OVOL2: variants seen among roughly 807,000 people sequenced by gnomAD.
OVOL2 encodes the protein ovo like zinc finger 2.
Under a neutral mutation model 18.1 loss-of-function variants are expected in OVOL2, and 13 were observed. The ratio of observed to expected loss-of-function variants is 0.72; its 90% CI spans 0.47 to 1.14. OVOL2 has a LOEUF of 1.14. OVOL2 is among the 50% of genes most tolerant of loss of function. The pLI is 0.00. For missense variants in OVOL2, 335 were observed against 383.0 expected, an observed-to-expected ratio of 0.87 and a Z score of 1.05; for synonymous variants, 166 against 162.7, an observed-to-expected ratio of 1.02 and a Z score of -0.16.
intron 2 of OVOL2, among the ~76,000 whole-genome samples, chr20:18,046,192 T>A (rs898779055): frequency 2.0e-5 from 3 of 152,338 alleles, no homozygotes; most frequent in African/African-American, 7.2e-5. Flanking sequence ...AAGGAAGGGA[T>A]CTTTGTAAAT....
At chr20:18,033,118 A>G (rs1208746983) in intron 3 of OVOL2, among the ~76,000 whole-genome samples, 4 of 152,104 alleles carry the variant, frequency 2.6e-5, no homozygotes, top group Non-Finnish European at 4.4e-5. Context: ...CCCAATCTGC[A>G]TTTTTCCCAA....
At position 18,024,332 on chromosome 20, in the gene OVOL2, C is replaced by T. The variant is rs549961515; in HGVS notation, c.*304G>A. ...TCTCTCTAAGAAATACCTCTCCTTCCGTGTGTGAAAATCCTTGGGGGAAAA... is the reference window on the plus strand; with the variant it reads ...TCTCTCTAAGAAATACCTCTCCTTCTGTGTGTGAAAATCCTTGGGGGAAAA... On this transcript the variant is annotated 3_prime_UTR_variant, in exon 4 of 4. Coordinates refer to ENST00000278780, the MANE Select transcript of OVOL2 (RefSeq NM_021220.4). 8.9e-5 allele frequency: 28 copies of T among 316,062 alleles called. No homozygotes were observed. Among genetic ancestry groups the T allele is most frequent in the Non-Finnish European group, 1.0e-4 (18 of 173,220 alleles). The allele number at this position is 316,062 out of a possible 1,614,324, so 19.6% of individuals were successfully genotyped here.
intron 3 of OVOL2, among the ~76,000 whole-genome samples, chr20:18,025,615 A>T (rs942022526): frequency 1.3e-5 from 2 of 152,200 alleles, no homozygotes; most frequent in Non-Finnish European, 2.9e-5. Context: ...TGGGACAAAG[A>T]TTCCAGTACA....
intron 3 of OVOL2, among the ~76,000 whole-genome samples, chr20:18,025,908 TCCAGCAGGGAACC>T (rs1277550475): frequency 1.3e-5 from 2 of 152,244 alleles, no homozygotes; most frequent in Non-Finnish European, 2.9e-5. Flanking sequence ...CAGACTGGGC[TCCAGCAGGGAACC>T]CCTCAGGCAG....
At chr20:18,058,279 C>A (rs2122734765), upstream of OVOL2, among the ~76,000 whole-genome samples, 1 of 151,990 alleles carries the variant, frequency 6.6e-6, no homozygotes, top group Admixed American at 6.5e-5. Flanking sequence ...CCTTGTGGAG[C>A]CTTCCTGGGG....
intron 3 of OVOL2, among the ~76,000 whole-genome samples, chr20:18,039,393 G>A (rs868542006): frequency 3.3e-5 from 5 of 152,030 alleles, no homozygotes; most frequent in Non-Finnish European, 5.9e-5. Context: ...AGGCCAAGGC[G>A]GGTGGATGGC....
chr20:18,056,551 G>A lies in OVOL2; in HGVS notation c.321+106C>T, dbSNP rs1054897362. On this transcript the variant is annotated intron_variant, in intron 2 of 3. Transcript: ENST00000278780. This position sits in a 1 kb window ranked among gnomAD's most constrained non-coding sequence, Gnocchi z 4.2. ...GGCGCGGCGGGCGCGCTCGGGGCGC[G>A]GGTGCCGGGTTGCGCAGGCGGGCGC... is the stretch of plus-strand genomic sequence containing the variant. The A allele has an allele frequency of 1.7e-6, 2 of 1,152,326 alleles. No homozygotes were observed. The highest frequency in any genetic ancestry group is 8.5e-5 in the South Asian group (2 of 23,492). 71.4% of individuals were successfully genotyped at this position (1,152,326 alleles called of 1,614,324 possible).
At position 18,057,414 on chromosome 20, in the gene OVOL2, GC is replaced by G. The variant is rs1600456386; in HGVS notation, c.100+120del. ...TAACCCGCCTAGAAGACCCCCGCGT[GC>G]CCCCCGGAAGAGGGGGATGAGGTGG... On this transcript the variant is annotated intron_variant, in intron 1 of 3. Coordinates refer to ENST00000278780, the MANE Select transcript of OVOL2 (RefSeq NM_021220.4). The surrounding 1 kb of genome is among the most constrained non-coding windows in gnomAD (Gnocchi z 6.3). 29 of 1,151,494 alleles carry G rather than the reference GC, an allele frequency of 2.5e-5. No individual in the cohort carries two copies. In the East Asian group the frequency reaches 4.3e-4, roughly 17 times the overall value. 71.3% of individuals were successfully genotyped at this position (1,151,494 alleles called of 1,614,324 possible).
chr20:18,030,721 C>T (rs531234308), intron 3 of OVOL2, among the ~76,000 whole-genome samples: 18 of 152,152 alleles, frequency 1.2e-4, no homozygotes, highest in African/African-American at 1.9e-4. Flanking sequence ...AGGAGTGACT[C>T]GCAGACAGAG....
At chr20:18,032,212 G>A (rs1304320046) in intron 3 of OVOL2, among the ~76,000 whole-genome samples, 3 of 147,350 alleles carry the variant, frequency 2.0e-5, no homozygotes, top group African/African-American at 5.0e-5. Context: ...AAAGAAGGAA[G>A]GAAAGAAGAA....
rs192099125 is a variant in OVOL2 at position 18,027,164 on chromosome 20, A to T, written c.512-2212T>A. 2.6e-3 allele frequency among the ~76,000 whole-genome samples: 398 copies of T among 152,260 alleles called. 2 individuals carry two copies. Among genetic ancestry groups the T allele is most frequent in the African/African-American group, 9.4e-3 (390 of 41,554 alleles). ...TGTGACAGAAGCAAGCACACTAAGC[A>T]GAATCTCACATGACAGATTCTAGGA... On this transcript the variant is annotated intron_variant, in intron 3 of 3. Transcript: ENST00000278780.
chr20:18,058,748 C>G (rs1030927226), upstream of OVOL2: 5 of 152,234 alleles, frequency 3.3e-5, no homozygotes, highest in Non-Finnish European at 5.9e-5. Flanking sequence ...ATCTTCTAGC[C>G]GCCCCTACCG....
chr20:18,025,554 G>A (rs2036505954), intron 3 of OVOL2, among the ~76,000 whole-genome samples: 1 of 152,106 alleles, frequency 6.6e-6, no homozygotes, highest in African/African-American at 2.4e-5. Flanking sequence ...GGGCAACAGA[G>A]TGAGACTCCA....
rs1429560002 is a variant in OVOL2, at chr20:18,056,836, G to T, written c.142C>A (p.Arg48Ser). The T allele has an allele frequency of 2.1e-5, 32 of 1,488,944 alleles. No individual in the cohort carries two copies. The highest frequency in any genetic ancestry group is 2.8e-5 in the Non-Finnish European group (31 of 1,127,242). 92.2% of individuals were successfully genotyped at this position (1,488,944 alleles called of 1,614,324 possible). Residue 48 changes from arginine (R) to serine (S), a missense_variant, in exon 2 of 4, where the codon CGC (arginine) becomes AGC (serine). Physicochemically the swap from Arg to Ser is moderately radical, Grantham distance 110 (BLOSUM62 -1). Coordinates refer to ENST00000278780, the MANE Select transcript of OVOL2 (RefSeq NM_021220.4). This position sits in a 1 kb window ranked among gnomAD's most constrained non-coding sequence, Gnocchi z 4.2. The part of the protein sequence containing the change: ...RLLHDPPEDC[R>S]SDGGSSSGSG... ...CCGCTGCTGCTGCCGCCGTCGCTGC[G>T]GCAGTCCTCGGGGGGGTCGTGGAGC... is the stretch of plus-strand genomic sequence containing the variant.
Position 18,024,893 on chromosome 20 carries a change from C to G in OVOL2, c.571G>C (p.Glu191Gln). ...CCATGGATTTTCTTCAGGTGGGACT[C>G]CAGAGAGCAGCGCTGGGTGAAGGCT... ...NKAFTQRCSL[E>Q]SHLKKIHGVQ... Residue 191 changes from glutamate to glutamine, a missense_variant, in exon 4 of 4, where the codon GAG becomes CAG. By Grantham distance (29) the Glu-to-Gln change is conservative (BLOSUM62 2). Coordinates refer to ENST00000278780, the MANE Select transcript of OVOL2 (RefSeq NM_021220.4). 1.9e-6 allele frequency: 3 copies of G among 1,614,118 alleles called. No individual in the cohort carries two copies. Among genetic ancestry groups the G allele is most frequent in the Non-Finnish European group, 2.5e-6 (3 of 1,180,026 alleles).
intron 3 of OVOL2, among the ~76,000 whole-genome samples, chr20:18,028,544 G>A (rs185131912): frequency 4.9e-4 from 74 of 152,046 alleles, no homozygotes; most frequent in African/African-American, 1.6e-3. Context: ...TGTAATCCTA[G>A]CATTTTGGGA....
chr20:18,039,480 A>G (rs565277110), intron 3 of OVOL2, among the ~76,000 whole-genome samples: 1 of 151,980 alleles, frequency 6.6e-6, no homozygotes, highest in African/African-American at 2.4e-5. Context: ...AATACAAAAA[A>G]AATTAGCTGG....
intron 3 of OVOL2, among the ~76,000 whole-genome samples, chr20:18,041,099 G>GA (rs2036663526): frequency 6.6e-6 from 1 of 152,214 alleles, no homozygotes; most frequent in South Asian, 2.1e-4. Context: ...ACAGCTGGCA[G>GA]GTGGCAGAGT....
At chr20:18,041,904 T>A (rs1341610062) in intron 2 of OVOL2, among the ~76,000 whole-genome samples, 181 bp from the exon 3 acceptor site, 1 of 70,904 alleles carries the variant, frequency 1.4e-5, no homozygotes, top group Non-Finnish European at 2.6e-5. Flanking sequence ...CCTCCCACCC[T>A]TTTTTTTTTT....
Sources: allele counts gnomAD v4.1 joint callset (sites outside exome capture counted in the v4.1 genomes callset), GRCh38; gene constraint gnomAD v4.1.1; non-coding constraint Gnocchi (gnomAD v3.1); transcripts MANE v1.5; gene names NCBI Gene and HGNC (gene_info 2026-07-23, HGNC 2026-07-21).